CACNA2D1: variants seen among roughly 807,000 people sequenced by gnomAD.
CACNA2D1 encodes calcium voltage-gated channel auxiliary subunit alpha2delta 1.
A neutral mutation model predicts 171.5 loss-of-function variants in CACNA2D1; 53 were observed. That is an observed-to-expected ratio of 0.31 (90% CI 0.25 to 0.39). The LOEUF (loss-of-function observed/expected upper bound fraction) is 0.39, where lower values mean the gene tolerates loss of function less well. CACNA2D1 is among the 10% of genes least tolerant of loss of function. CACNA2D1 has a pLI of 1.00. For missense variants in CACNA2D1, 903 were observed against 1,299.8 expected (o/e 0.69, Z 4.69); for synonymous variants, 442 against 443.1 (o/e 1.00, Z 0.03).
chr7:82,396,418 A>C (rs1029730836), intron 1 of CACNA2D1, among the ~76,000 whole-genome samples: 2 of 152,226 alleles, frequency 1.3e-5, no homozygotes, highest in African/African-American at 4.8e-5. Context: ...ATATAATCAT[A>C]TAGTTCCATA....
intron 5 of CACNA2D1, among the ~76,000 whole-genome samples, chr7:82,126,267 A>C (rs1458545380): frequency 1.3e-5 from 2 of 152,188 alleles, no homozygotes; most frequent in African/African-American, 4.8e-5. Flanking sequence ...ACTGTATAAC[A>C]AGGCATACAG....
At chr7:82,091,362 T>TG (rs1351660314) in intron 6 of CACNA2D1, among the ~76,000 whole-genome samples, 1 of 152,200 alleles carries the variant, frequency 6.6e-6, no homozygotes, top group Non-Finnish European at 1.5e-5. Flanking sequence ...GGTACAAATA[T>TG]GAAAAGGCCC....
At chr7:81,968,694 G>A (rs981198781) in intron 29 of CACNA2D1, among the ~76,000 whole-genome samples, 193 bp downstream of exon 29, 1 of 151,262 alleles carries the variant, frequency 6.6e-6, no homozygotes, top group Non-Finnish European at 1.5e-5. Context: ...TCAAATCTAT[G>A]TAGTATCAAT....
chr7:82,419,297 C>A (rs1828489702), intron 1 of CACNA2D1, among the ~76,000 whole-genome samples: 1 of 152,086 alleles, frequency 6.6e-6, no homozygotes. Context: ...CCAGGTGAAA[C>A]AAATACCCTT....
intron 4 of CACNA2D1, among the ~76,000 whole-genome samples, chr7:82,150,007 T>C (rs1254492926): frequency 6.6e-6 from 1 of 151,736 alleles, no homozygotes; most frequent in Non-Finnish European, 1.5e-5. Flanking sequence ...TGTGTGTGCA[T>C]GCACTGAGGA....
intron 1 of CACNA2D1, among the ~76,000 whole-genome samples, chr7:82,435,716 T>C (rs559590981): frequency 1.3e-5 from 2 of 152,306 alleles, no homozygotes; most frequent in South Asian, 4.1e-4. Flanking sequence ...TAATCCATCT[T>C]CTACATATTA....
intron 3 of CACNA2D1, among the ~76,000 whole-genome samples, chr7:82,191,847 A>C (rs969117959): frequency 6.6e-6 from 1 of 151,824 alleles, no homozygotes; most frequent in Non-Finnish European, 1.5e-5. Context: ...TATTTCAAAG[A>C]AATAGGCTGT....
chr7:82,040,451 T>TAA (rs1269027418), intron 10 of CACNA2D1, among the ~76,000 whole-genome samples: 95 of 22,160 alleles, frequency 4.3e-3, no homozygotes, highest in African/African-American at 0.019. Flanking sequence ...AATAATTTAT[T>TAA]CAAAAAAAAA....
At chr7:82,033,703 C>T (rs1802985479) in intron 11 of CACNA2D1, among the ~76,000 whole-genome samples, 1 of 152,054 alleles carries the variant, frequency 6.6e-6, no homozygotes, top group South Asian at 2.1e-4. Context: ...AATCTTCTTA[C>T]ACTTTAAGGT....
At chr7:81,959,102 A>G (rs1276600443) in intron 38 of CACNA2D1, among the ~76,000 whole-genome samples, 173 bp downstream of exon 38, 4 of 152,074 alleles carry the variant, frequency 2.6e-5, no homozygotes, top group Admixed American at 1.3e-4. Context: ...GTTTATGCTA[A>G]CCATGAAAAC....
chr7:82,060,201 T>TATATATATAATA (rs747843223), intron 10 of CACNA2D1, among the ~76,000 whole-genome samples: 1 of 10,398 alleles, frequency 9.6e-5, no homozygotes, highest in Non-Finnish European at 2.6e-4. Context: ...TATATATATA[T>TATATATATAATA]TATATATATA....
chr7:82,071,717 T>C (rs1444323430), intron 7 of CACNA2D1, among the ~76,000 whole-genome samples: 1 of 152,154 alleles, frequency 6.6e-6, no homozygotes, highest in Non-Finnish European at 1.5e-5. Context: ...TCCTCCTCCT[T>C]CCTTCTAGTA....
intron 4 of CACNA2D1, among the ~76,000 whole-genome samples, chr7:82,141,771 T>C (rs1792427094): frequency 6.6e-6 from 1 of 152,224 alleles, no homozygotes; most frequent in African/African-American, 2.4e-5. Context: ...CAATTTTAGA[T>C]AGTCAAGACA....
In CACNA2D1 at chr7:82,254,475, A is replaced by G. The variant is rs1490962359; in HGVS notation, c.294+80660T>C. Among the ~76,000 whole-genome samples, 5 of 152,214 alleles carry G rather than the reference A, an allele frequency of 3.3e-5. No homozygotes were observed. In the East Asian group the frequency reaches 9.7e-4, roughly 29 times the overall value. The stretch of plus-strand genomic sequence containing the variant: ...ATGATTTAATATATATATATTATGT[A>G]ATGATTATGACACTTTAATTAATAC... On this transcript the variant is annotated intron_variant, in intron 3 of 38. Transcript: ENST00000356860.
intron 4 of CACNA2D1, among the ~76,000 whole-genome samples, chr7:82,144,420 T>A (rs1178298811): frequency 2.6e-5 from 4 of 152,116 alleles, no homozygotes; most frequent in African/African-American, 9.7e-5. Context: ...GAATTCCATT[T>A]CTTCATCATC....
intron 4 of CACNA2D1, among the ~76,000 whole-genome samples, chr7:82,163,221 G>C (rs2129136355): frequency 6.6e-6 from 1 of 152,140 alleles, no homozygotes; most frequent in Admixed American, 6.6e-5. Flanking sequence ...AAGGGAGATA[G>C]TACCTCTATA....
chr7:82,309,987 T>C (rs1459046814), intron 3 of CACNA2D1, among the ~76,000 whole-genome samples: 1 of 152,216 alleles, frequency 6.6e-6, no homozygotes, highest in South Asian at 2.1e-4. Flanking sequence ...GTCTGTATCA[T>C]TTCTAAGTTA....
intron 10 of CACNA2D1, among the ~76,000 whole-genome samples, chr7:82,046,682 T>C (rs1460632211): frequency 2.0e-5 from 3 of 152,100 alleles, no homozygotes; most frequent in Non-Finnish European, 1.5e-5. Flanking sequence ...AATGTAAATA[T>C]GGAATAAATT....
intron 3 of CACNA2D1, among the ~76,000 whole-genome samples, chr7:82,180,826 G>T (rs73162702): frequency 0.042 from 6,348 of 151,974 alleles, 193 homozygotes; most frequent in Non-Finnish European, 0.061. Context: ...GGTGGCAGGT[G>T]GGGGGAAGAG....
Sources: gnomAD v4.1 joint callset for allele counts (sites outside exome capture counted in the v4.1 genomes callset) on GRCh38, gnomAD v4.1.1 for gene constraint, MANE v1.5 for transcripts, NCBI Gene and HGNC (gene_info 2026-07-23, HGNC 2026-07-21) for gene names.